TSPAN9: variants seen among roughly 807,000 people sequenced by gnomAD.
The protein encoded by TSPAN9 is tetraspanin 9.
A neutral mutation model predicts 31.0 loss-of-function variants in TSPAN9; 16 were observed. The ratio of observed to expected loss-of-function variants is 0.52; its 90% confidence interval spans 0.35 to 0.78. TSPAN9 has a LOEUF of 0.78. Ranked by LOEUF, TSPAN9 falls within the 30% of genes least tolerant of loss-of-function variation. TSPAN9 has a pLI of 0.01. For synonymous variants in TSPAN9, 145 were observed against 121.6 expected (o/e 1.19, Z -1.27); for missense variants, 272 against 312.5 (o/e 0.87, Z 0.98).
At chr12:3,209,449 G>T (rs2098377168) in intron 3 of TSPAN9, among the ~76,000 whole-genome samples, 1 of 152,058 alleles carries the variant, frequency 6.6e-6, no homozygotes, top group South Asian at 2.1e-4. Context: ...AAGTCTTCTG[G>T]TGTACATGTG....
chr12:3,191,504 TAGTTGAGGAACCAGA>T (rs1280575416), intron 2 of TSPAN9, among the ~76,000 whole-genome samples: 1 of 152,176 alleles, frequency 6.6e-6, no homozygotes, highest in African/African-American at 2.4e-5. Context: ...GCTTGTTTTG[TAGTTGAGGAACCAGA>T]GGTTGAGCAA....
chr12:3,243,791 A>C (rs542619540), intron 3 of TSPAN9, among the ~76,000 whole-genome samples: 1 of 152,326 alleles, frequency 6.6e-6, no homozygotes, highest in Non-Finnish European at 1.5e-5. Flanking sequence ...GGTGTCAGGC[A>C]GGTGGAGAGC....
chr12:3,141,097 A>T (rs673450), intron 2 of TSPAN9, among the ~76,000 whole-genome samples: 1 of 150,984 alleles, frequency 6.6e-6, no homozygotes, highest in Non-Finnish European at 1.5e-5. Context: ...CGGGGCTTTG[A>T]GGTCCTCGCC....
At chr12:3,235,121 T>G (rs2098392692) in intron 3 of TSPAN9, among the ~76,000 whole-genome samples, 1 of 74,332 alleles carries the variant, frequency 1.3e-5, no homozygotes, top group South Asian at 3.3e-4. Context: ...GAGCGGAGCT[T>G]GCAGTGAGCA....
In TSPAN9 at chr12:3,086,926, C is replaced by T. The variant is rs1309635232; in HGVS notation, c.-18+3207C>T. Among the ~76,000 whole-genome samples the T allele has an allele frequency of 2.0e-5, 3 of 152,182 alleles. No homozygotes were observed. In the East Asian group the frequency reaches 5.8e-4, roughly 29 times the overall value. On this transcript the variant is annotated intron_variant, in intron 2 of 8. Coordinates refer to ENST00000011898, the MANE Select transcript of TSPAN9 (RefSeq NM_006675.5). ...GCACGCCGCCTCCAATCATGGGGTG[C>T]ACATGTTGCTGGAAACACACACAGT...
At chr12:3,082,104 C>T (rs4766041) in intron 1 of TSPAN9, among the ~76,000 whole-genome samples, 143,892 of 152,052 alleles carry the variant, frequency 0.95, 68,528 homozygotes, top group East Asian at 1. Context: ...GAAATGGGCT[C>T]GAAAGATGAC....
chr12:3,276,246 C>A (rs1862784512), intron 3 of TSPAN9, among the ~76,000 whole-genome samples: 1 of 152,250 alleles, frequency 6.6e-6, no homozygotes. Flanking sequence ...CCCGCGGTCG[C>A]TTCTCCAAAC....
chr12:3,086,427 A>G (rs541112493), intron 2 of TSPAN9, among the ~76,000 whole-genome samples: 2 of 151,550 alleles, frequency 1.3e-5, no homozygotes, highest in East Asian at 3.9e-4. Flanking sequence ...CTCACAGTGG[A>G]TGGCTGGAAA....
At chr12:3,118,547 C>T (rs1177575424) in intron 2 of TSPAN9, among the ~76,000 whole-genome samples, 1 of 151,968 alleles carries the variant, frequency 6.6e-6, no homozygotes, top group Non-Finnish European at 1.5e-5. Context: ...AGGCATGAGC[C>T]ACCGCTCCTG....
At chr12:3,237,564 G>A (rs1363480332) in intron 3 of TSPAN9, among the ~76,000 whole-genome samples, 1 of 152,150 alleles carries the variant, frequency 6.6e-6, no homozygotes, top group Non-Finnish European at 1.5e-5. Context: ...TCCCACCCGA[G>A]GCAGGCTGCC....
chr12:3,195,265 C>A (rs2098366507), intron 2 of TSPAN9, among the ~76,000 whole-genome samples: 1 of 152,210 alleles, frequency 6.6e-6, no homozygotes, highest in Non-Finnish European at 1.5e-5. Context: ...CTGTCTCATG[C>A]TGCCAGCCTG....
chr12:3,109,313 T>TGTGTGTGAGA (rs2098316985), intron 2 of TSPAN9, among the ~76,000 whole-genome samples: 1 of 113,632 alleles, frequency 8.8e-6, no homozygotes, highest in South Asian at 2.5e-4. Flanking sequence ...AGAGAGTGTG[T>TGTGTGTGAGA]GTGTGTGTGT....
Position 3,177,101 on chromosome 12 carries a change from T to TA in TSPAN9, c.-17-24065dup, listed in dbSNP as rs111282988. On this transcript the variant is annotated intron_variant, in intron 2 of 8. Coordinates refer to ENST00000011898, the MANE Select transcript of TSPAN9 (RefSeq NM_006675.5). ...CCAGCATTGAGTAGCCTTGTTTAAA[T>TA]AAAAAAAAAAATTTAAGCTGATAGG... Among the ~76,000 whole-genome samples, 1,326 of 148,560 alleles carry TA rather than the reference T, an allele frequency of 8.9e-3. 19 individuals carry two copies. The highest frequency in any genetic ancestry group is 0.028 in the African/African-American group (1,148 of 40,740).
chr12:3,173,264 G>A (rs2098353097), intron 2 of TSPAN9: 1 of 152,490 alleles, frequency 6.6e-6, no homozygotes, highest in Middle Eastern at 3.4e-3. Context: ...GCCCTCACGA[G>A]CTGTATGACC....
At chr12:3,148,900 G>A (rs2098338599) in intron 2 of TSPAN9, among the ~76,000 whole-genome samples, 1 of 152,182 alleles carries the variant, frequency 6.6e-6, no homozygotes, top group African/African-American at 2.4e-5. Flanking sequence ...AGGAGAAGAG[G>A]GGGCCTCTCG....
intron 2 of TSPAN9, among the ~76,000 whole-genome samples, chr12:3,195,108 C>G (rs2098366442): frequency 6.6e-6 from 1 of 152,184 alleles, no homozygotes; most frequent in African/African-American, 2.4e-5. Flanking sequence ...GGGAGGCTGC[C>G]TTGTTTGAGG....
intron 3 of TSPAN9, among the ~76,000 whole-genome samples, chr12:3,276,644 T>C (rs1053548428): frequency 2.6e-5 from 4 of 152,232 alleles, no homozygotes; most frequent in African/African-American, 9.6e-5. Context: ...TCTGGCTCTT[T>C]ACATTGCCTT....
intron 2 of TSPAN9, among the ~76,000 whole-genome samples, chr12:3,103,247 G>A (rs977410246): frequency 6.6e-6 from 1 of 152,184 alleles, no homozygotes; most frequent in Non-Finnish European, 1.5e-5. Context: ...TGCCCTCAAT[G>A]TGACTATGAT....
intron 2 of TSPAN9, among the ~76,000 whole-genome samples, chr12:3,158,147 C>G (rs892863989): frequency 6.6e-6 from 1 of 152,184 alleles, no homozygotes; most frequent in African/African-American, 2.4e-5. Context: ...CTGAGGGCTC[C>G]CCTCGGAGCA....
Sources: allele counts gnomAD v4.1 joint callset (sites outside exome capture counted in the v4.1 genomes callset), GRCh38; gene constraint gnomAD v4.1.1; transcripts MANE v1.5; gene names NCBI Gene and HGNC (gene_info 2026-07-23, HGNC 2026-07-21).